Variants in KRTAP10-6 observed in about 807,000 individuals in gnomAD.
KRTAP10-6 encodes the protein keratin associated protein 10-6.
KRTAP10-6 carries 1 observed loss-of-function variant against 0.5 expected under a neutral mutation model. The ratio of observed to expected loss-of-function variants is 1.92; its 90% CI spans 0.68 to 9.09. The LOEUF is 9.09. Ranked by LOEUF, KRTAP10-6 falls within the 30% of genes most tolerant of loss-of-function variation. KRTAP10-6 has a pLI of 0.13. For missense variants in KRTAP10-6, 337 were observed against 464.2 expected (o/e 0.73, Z 2.52); for synonymous variants, 136 against 196.5 (o/e 0.69, Z 2.58).
In KRTAP10-6 at chr21:44,591,888, G is replaced by T; in HGVS notation, c.597C>A (p.Gly199=). 6.2e-7 allele frequency: 1 copy of T among 1,600,346 alleles called. No homozygotes were observed. Among genetic ancestry groups the T allele is most frequent in the African/African-American group, 1.5e-5 (1 of 67,066 alleles). ...ATGAGGGTGTGCAGGAGCTGGTGCA[G>T]CCTGATTGGCAGGGGCTGGGCTCAC... The part of the protein sequence containing the change: ...AVCEPSPCQS[G]CTSSCTPSCC... Residue 199 remains glycine, a synonymous_variant, in exon 1 of 1, where the codon GGC becomes GGA. Transcript: ENST00000400368.
chr21:44,591,455 G>C lies in KRTAP10-6; in HGVS notation c.1030C>G (p.Leu344Val), dbSNP rs782674856. The change falls in exon 1 of 1, where the codon CTC (leucine) becomes GTC (valine). Residue 344 changes from leucine to valine, a missense_variant. Physicochemically the swap from Leu to Val is conservative, Grantham distance 32 (BLOSUM62 1). Coordinates refer to ENST00000400368, the MANE Select transcript of KRTAP10-6 (RefSeq NM_198688.3). ...CCRTASCVSL[L>V]CRPMCSRPAC... ...GGGCGGGAGCACATGGGGCGGCAGA[G>C]GAGGGAAACACAGGAGGCCGTGCGG... is the stretch of plus-strand genomic sequence containing the variant. 4.3e-6 allele frequency: 7 copies of C among 1,613,942 alleles called. No homozygotes were observed. In the Admixed American group the frequency reaches 8.3e-5, roughly 19 times the overall value.
In KRTAP10-6 at chr21:44,591,530, G is replaced by A; in HGVS notation, c.955C>T (p.Pro319Ser). The A allele has an allele frequency of 1.2e-6, 2 of 1,613,966 alleles. No homozygotes were observed. The highest frequency in any genetic ancestry group is 1.7e-4 in the Middle Eastern group (1 of 6,036). ...GCAGAGGCACCACAGGAGGGGACGG[G>A]CACGCAGCAGGTGGACTTGCACACA... The part of the protein sequence containing the change: ...HPVCKSTCCV[P>S]VPSCGASASS... The change falls in exon 1 of 1, where the codon CCC becomes TCC. Residue 319 changes from proline (P) to serine (S), a missense_variant. Physicochemically the swap from Pro to Ser is moderately conservative, Grantham distance 74 (BLOSUM62 -1). Transcript: ENST00000400368.
In KRTAP10-6 at chr21:44,592,118, C is replaced by G; in HGVS notation, c.367G>C (p.Val123Leu). The change falls in exon 1 of 1, where the codon GTG (valine) becomes CTG (leucine). Residue 123 changes from valine to leucine, a missense_variant. Transcript: ENST00000400368. Reference sequence around the variant, plus strand: ...CCACAGCAGACGGACACACAGCACACAGGCTTGCAGCAGACAGTCTTGCAG... The same window carrying G: ...CCACAGCAGACGGACACACAGCACAGAGGCTTGCAGCAGACAGTCTTGCAG... Reference protein sequence around the residue: ...VCCKTVCCKPVCCVSVCCGDS... With the variant: ...VCCKTVCCKPLCCVSVCCGDS... 1 of 1,455,948 alleles carries G rather than the reference C, an allele frequency of 6.9e-7. No individual in the cohort carries two copies. The highest frequency in any genetic ancestry group is 9.2e-7 in the Non-Finnish European group (1 of 1,083,518). The allele number at this position is 1,455,948 out of a possible 1,614,324, so 90.2% of individuals were successfully genotyped here. A position where few individuals can be genotyped will look rare whatever the true frequency, so the allele number is the denominator to read the frequency against.
In KRTAP10-6 at chr21:44,592,130, A is replaced by G. The variant is rs201840917; in HGVS notation, c.355T>C (p.Cys119Arg). The change falls in exon 1 of 1, where the codon TGC becomes CGC. Residue 119 changes from cysteine (C) to arginine (R), a missense_variant. By Grantham distance (180) the Cys-to-Arg change is radical. Transcript: ENST00000400368. ...GACACACAGCACACAGGCTTGCAGCAGACAGTCTTGCAGCAGACGGGCACG... is the reference window on the plus strand; with the variant it reads ...GACACACAGCACACAGGCTTGCAGCGGACAGTCTTGCAGCAGACGGGCACG... ...CCVPVCCKTV[C>R]CKPVCCVSVC... 2.5e-3 allele frequency: 3,688 copies of G among 1,493,956 alleles called. 41 individuals are homozygous for G. In the African/African-American group the frequency reaches 0.058, roughly 23 times the overall value. The allele number at this position is 1,493,956 out of a possible 1,614,324, so 92.5% of individuals were successfully genotyped here. A position where few individuals can be genotyped will look rare whatever the true frequency, so the allele number is the denominator to read the frequency against.
In KRTAP10-6 at chr21:44,592,433, G is replaced by A. The variant is rs1555927013; in HGVS notation, c.52C>T (p.Arg18Cys). The change falls in exon 1 of 1, where the codon CGC becomes TGC. Residue 18 changes from arginine (R) to cysteine (C), a missense_variant. By Grantham distance (180) the Arg-to-Cys change is radical (BLOSUM62 -3). Transcript: ENST00000400368. ...TCACAGGAACCAGGAAGGCAGACGC[G>A]GCTGCCGTAGCTCAGGTCGCTGGAG... is the stretch of plus-strand genomic sequence containing the variant. ...VCSSDLSYGS[R>C]VCLPGSCDSC... 10 of 1,610,208 alleles carry A rather than the reference G, an allele frequency of 6.2e-6. No individual in the cohort carries two copies. In the East Asian group the frequency reaches 1.1e-4, roughly 18 times the overall value.
In KRTAP10-6 at chr21:44,591,528, G is replaced by C; in HGVS notation, c.957C>G (p.Pro319=). 1 of 1,612,606 alleles carries C rather than the reference G, an allele frequency of 6.2e-7. No individual in the cohort carries two copies. The highest frequency in any genetic ancestry group is 8.5e-7 in the Non-Finnish European group (1 of 1,179,976). The change falls in exon 1 of 1, where the codon CCC becomes CCG. Residue 319 remains proline (P), a synonymous_variant. Transcript: ENST00000400368. ...HPVCKSTCCV[P]VPSCGASASS... Reference sequence around the variant, plus strand: ...AGGCAGAGGCACCACAGGAGGGGACGGGCACGCAGCAGGTGGACTTGCACA... The same window carrying C: ...AGGCAGAGGCACCACAGGAGGGGACCGGCACGCAGCAGGTGGACTTGCACA...
At position 44,592,491 on chromosome 21, in the gene KRTAP10-6, G is replaced by A. The variant is rs1980046661; in HGVS notation, c.-7C>T. 1 of 1,603,536 alleles carries A rather than the reference G, an allele frequency of 6.2e-7. No individual in the cohort carries two copies. Among genetic ancestry groups the A allele is most frequent in the Admixed American group, 1.7e-5 (1 of 59,662 alleles). On this transcript the variant is annotated 5_prime_UTR_variant, in exon 1 of 1. Transcript: ENST00000400368. ...ACATGGTGGACGCGGCCATGCTGGG[G>A]TTGAACTGGTGGAGGGTGAGGGAGT...
Position 44,591,689 on chromosome 21 carries a change from A to C in KRTAP10-6, c.796T>G (p.Cys266Gly), listed in dbSNP as rs782667470. ...ACGGGCACACAGCAGGCGTGCTGGC[A>C]GGGGGAGGAGGTGCAGCAAGCTGGC... Reference protein sequence around the residue: ...CQPACCTSSPCQHACCVPVCS... With the variant: ...CQPACCTSSPGQHACCVPVCS... Residue 266 changes from cysteine to glycine, a missense_variant, in exon 1 of 1, where the codon TGC becomes GGC. Transcript: ENST00000400368. The C allele has an allele frequency of 6.3e-7, 1 of 1,577,400 alleles. No individual in the cohort carries two copies. The highest frequency in any genetic ancestry group is 8.7e-7 in the Non-Finnish European group (1 of 1,154,444).
chr21:44,592,371 T>A lies in KRTAP10-6; in HGVS notation c.114A>T (p.Pro38=), dbSNP rs1980023932. 6.5e-7 allele frequency: 1 copy of A among 1,530,254 alleles called. No homozygotes were observed. Among genetic ancestry groups the A allele is most frequent in the Non-Finnish European group, 8.8e-7 (1 of 1,133,518 alleles). The allele number at this position is 1,530,254 out of a possible 1,614,324, so 94.8% of individuals were successfully genotyped here. The change falls in exon 1 of 1, where the codon CCA becomes CCT. Residue 38 remains proline (P), a synonymous_variant. Transcript: ENST00000400368. Reference sequence around the variant, plus strand: ...AGCAGGGGGGCTCACAGCAGCTCTCTGGGCAGTCGTCCACCTGCCAGGAGT... The same window carrying A: ...AGCAGGGGGGCTCACAGCAGCTCTCAGGGCAGTCGTCCACCTGCCAGGAGT... The part of the protein sequence containing the change: ...CSDSWQVDDC[P]ESCCEPPCCA...
At position 44,591,480 on chromosome 21, in the gene KRTAP10-6, G is replaced by A. The variant is rs1555926521; in HGVS notation, c.1005C>T (p.Cys335=). 1 of 1,614,078 alleles carries A rather than the reference G, an allele frequency of 6.2e-7. No individual in the cohort carries two copies. The highest frequency in any genetic ancestry group is 8.5e-7 in the Non-Finnish European group (1 of 1,180,010). The change falls in exon 1 of 1, where the codon TGC becomes TGT. Residue 335 remains cysteine, a synonymous_variant. Coordinates refer to ENST00000400368, the MANE Select transcript of KRTAP10-6 (RefSeq NM_198688.3). ...GGAGGGAAACACAGGAGGCCGTGCG[G>A]CAGCAGCTGGGCTGGCAGGAGGAGG... The part of the protein sequence containing the change: ...ASASSCQPSC[C]RTASCVSLLC...
Position 44,591,981 on chromosome 21 carries a change from A to C in KRTAP10-6, c.504T>G (p.Ile168Met). 6.6e-7 allele frequency: 1 copy of C among 1,516,292 alleles called. No homozygotes were observed. The allele number at this position is 1,516,292 out of a possible 1,614,324, so 93.9% of individuals were successfully genotyped here. The part of the protein sequence containing the change: ...PVCCKPVCSG[I>M]SSSCCQQSSC... The stretch of plus-strand genomic sequence containing the variant: ...TAGACTGCTGGCAGCACGAAGAGGA[A>C]ATCCCAGAGCAGACAGGCTTGCAGC... The change falls in exon 1 of 1, where the codon ATT (isoleucine) becomes ATG (methionine). Residue 168 changes from isoleucine to methionine, a missense_variant. By Grantham distance (10) the Ile-to-Met change is conservative (BLOSUM62 1). This residue lies in a region of KRTAP10-6 where 87 missense variants were observed against 208.2 expected (regional missense o/e 0.42). Transcript: ENST00000400368.
In KRTAP10-6 at chr21:44,592,453, C is replaced by T. The variant is rs782399265; in HGVS notation, c.32G>A (p.Ser11Asn). The T allele has an allele frequency of 3.7e-6, 6 of 1,611,430 alleles. No homozygotes were observed. The East Asian group carries it at 1.3e-4, about 36-fold the overall frequency. The change falls in exon 1 of 1, where the codon AGC becomes AAC. Residue 11 changes from serine to asparagine, a missense_variant. Physicochemically the swap from Ser to Asn is conservative, Grantham distance 46. This residue lies in a region of KRTAP10-6 where 32 missense variants were observed against 30.6 expected (regional missense o/e 1.04). Coordinates refer to ENST00000400368, the MANE Select transcript of KRTAP10-6 (RefSeq NM_198688.3). Reference protein sequence around the residue: MAASTMSVCSSDLSYGSRVCL... With the variant: MAASTMSVCSNDLSYGSRVCL... ...GACGCGGCTGCCGTAGCTCAGGTCGCTGGAGCAGACGGACATGGTGGACGC... is the reference window on the plus strand; with the variant it reads ...GACGCGGCTGCCGTAGCTCAGGTCGTTGGAGCAGACGGACATGGTGGACGC...
At chr21:44,591,537 G>T in the KRTAP10-6 span, 19 of 1,613,886 alleles carry the variant, frequency 1.2e-5, no homozygotes, top group East Asian at 4.2e-4. Flanking sequence ...CGGGCACGCA[G>T]CAGGTGGACT....
In KRTAP10-6 at chr21:44,591,376, A is replaced by G. The variant is rs782105532; in HGVS notation, c.*11T>C. ...CTGGTGGGAAGGGACTCCGGATCAC[A>G]TCCAGGGCTGTCAGCAGCTGGACTT... On this transcript the variant is annotated 3_prime_UTR_variant, in exon 1 of 1. Coordinates refer to ENST00000400368, the MANE Select transcript of KRTAP10-6 (RefSeq NM_198688.3). 5 of 1,595,886 alleles carry G rather than the reference A, an allele frequency of 3.1e-6. No homozygotes were observed. The South Asian group carries it at 3.4e-5, about 11-fold the overall frequency.
At chr21:44,591,854 G>A in the KRTAP10-6 span, 4 of 1,607,406 alleles carry the variant, frequency 2.5e-6, no homozygotes, top group South Asian at 3.3e-5. Flanking sequence ...CAGCTAGACT[G>A]CTGGCAGCAT....
chr21:44,592,163 C>A lies in KRTAP10-6; in HGVS notation c.322G>T (p.Ala108Ser). 6.3e-7 allele frequency: 1 copy of A among 1,579,520 alleles called. No homozygotes were observed. Among genetic ancestry groups the A allele is most frequent in the Non-Finnish European group, 8.6e-7 (1 of 1,158,650 alleles). Residue 108 changes from alanine (A) to serine (S), a missense_variant, in exon 1 of 1, where the codon GCC becomes TCC. Ala to Ser is a moderately conservative substitution (Grantham distance 99, BLOSUM62 1). Transcript: ENST00000400368. ...TTGCAGCAGACGGGCACGCAGCAGG[C>A]CTGCTGGCAGGGGGAGGAGGCACAG... ...ACCASSPCQQ[A>S]CCVPVCCKTV...
In KRTAP10-6 at chr21:44,592,399, G is replaced by T. The variant is rs1422448181; in HGVS notation, c.86C>A (p.Ser29Tyr). ...VCLPGSCDSC[S>Y]DSWQVDDCPE... Reference sequence around the variant, plus strand: ...GCAGTCGTCCACCTGCCAGGAGTCGGAGCAAGAGTCACAGGAACCAGGAAG... The same window carrying T: ...GCAGTCGTCCACCTGCCAGGAGTCGTAGCAAGAGTCACAGGAACCAGGAAG... The change falls in exon 1 of 1, where the codon TCC becomes TAC. Residue 29 changes from serine to tyrosine, a missense_variant. Transcript: ENST00000400368. 6.3e-7 allele frequency: 1 copy of T among 1,597,502 alleles called. No individual in the cohort carries two copies.
At position 44,591,691 on chromosome 21, in the gene KRTAP10-6, G is replaced by T; in HGVS notation, c.794C>A (p.Pro265His). 1 of 1,576,990 alleles carries T rather than the reference G, an allele frequency of 6.3e-7. No homozygotes were observed. The highest frequency in any genetic ancestry group is 8.7e-7 in the Non-Finnish European group (1 of 1,154,310). ...SCQPACCTSSPCQHACCVPVC... is the reference protein window; with the variant it reads ...SCQPACCTSSHCQHACCVPVC... ...GGGCACACAGCAGGCGTGCTGGCAG[G>T]GGGAGGAGGTGCAGCAAGCTGGCTG... is the stretch of plus-strand genomic sequence containing the variant. Residue 265 changes from proline to histidine, a missense_variant, in exon 1 of 1, where the codon CCC (proline) becomes CAC (histidine). Coordinates refer to ENST00000400368, the MANE Select transcript of KRTAP10-6 (RefSeq NM_198688.3).
Position 44,591,280 on chromosome 21 carries a change from C to A in KRTAP10-6, c.*107G>T. 6.8e-7 allele frequency: 1 copy of A among 1,478,652 alleles called. No individual in the cohort carries two copies. The highest frequency in any genetic ancestry group is 9.0e-7 in the Non-Finnish European group (1 of 1,109,712). 91.6% of individuals were successfully genotyped at this position (1,478,652 alleles called of 1,614,324 possible). On this transcript the variant is annotated 3_prime_UTR_variant, in exon 1 of 1. Transcript: ENST00000400368. Reference sequence around the variant, plus strand: ...GCATCCTGGTCCCTAAGACAAAGAGCCTGCCCCATCTTCTGAGGGTGTCAA... The same window carrying A: ...GCATCCTGGTCCCTAAGACAAAGAGACTGCCCCATCTTCTGAGGGTGTCAA...
Sources: gnomAD v4.1 joint callset for allele counts on GRCh38, gnomAD v4.1.1 for gene constraint, gnomAD v4.1.1 regional missense constraint, MANE v1.5 for transcripts, NCBI Gene and HGNC (gene_info 2026-07-23, HGNC 2026-07-21) for gene names.